Variants in NRXN3 observed in about 807,000 individuals in gnomAD.
NRXN3 encodes the protein neurexin 3.
A neutral mutation model predicts 137.6 loss-of-function variants in NRXN3; 32 were observed. The ratio of observed to expected loss-of-function variants is 0.23; its 90% CI spans 0.18 to 0.31. The LOEUF is 0.31. Ranked by LOEUF, NRXN3 falls within the 10% of genes least tolerant of loss-of-function variation. The pLI is 1.00. For synonymous variants in NRXN3, 798 were observed against 784.5 expected, an observed-to-expected ratio of 1.02 and a Z score of -0.29; for missense variants, 1,574 against 2,062.5, an observed-to-expected ratio of 0.76 and a Z score of 4.59.
intron 4 of NRXN3, among the ~76,000 whole-genome samples, chr14:78,322,882 G>A (rs886373280): frequency 5.9e-5 from 9 of 151,946 alleles, no homozygotes; most frequent in African/African-American, 2.2e-4. Context: ...TTAGAATGTC[G>A]TGCTGCTTTC....
At chr14:78,457,322 A>G (rs555868227) in intron 4 of NRXN3, among the ~76,000 whole-genome samples, 2 of 152,220 alleles carry the variant, frequency 1.3e-5, no homozygotes, top group East Asian at 1.9e-4. Flanking sequence ...ATGAGCCACC[A>G]CGCCCAGCCA....
chr14:79,784,236 C>T (rs1312193646), intron 19 of NRXN3, among the ~76,000 whole-genome samples: 1 of 152,216 alleles, frequency 6.6e-6, no homozygotes, highest in Non-Finnish European at 1.5e-5. Flanking sequence ...GACTTCAGTT[C>T]TAGGCCCTTA....
intron 15 of NRXN3, among the ~76,000 whole-genome samples, chr14:79,295,579 C>T (rs1347271609): frequency 6.6e-6 from 1 of 151,970 alleles, no homozygotes; most frequent in African/African-American, 2.4e-5. Flanking sequence ...GGCTGGACTC[C>T]CAGTACCTAA....
At position 78,333,311 on chromosome 14, in the gene NRXN3, C is replaced by T. The variant is rs2081057356; in HGVS notation, c.757+35451C>T. 3.9e-5 allele frequency among the ~76,000 whole-genome samples: 6 copies of T among 152,266 alleles called. No individual in the cohort carries two copies. In the South Asian group the frequency reaches 1.0e-3, roughly 26 times the overall value. ...AGGTCAGTACCTTGAGGGATTTGTG[C>T]TGTGACTTCCAAGTCCAAATTCAAC... On this transcript the variant is annotated intron_variant, in intron 4 of 20. Coordinates refer to ENST00000335750, the MANE Select transcript of NRXN3 (RefSeq NM_001330195.2).
At chr14:78,485,091 C>CA in intron 4 of NRXN3, among the ~76,000 whole-genome samples, 1 of 152,274 alleles carries the variant, frequency 6.6e-6, no homozygotes, top group East Asian at 1.9e-4. Context: ...CTCAAGGCTA[C>CA]AGTATTATAG....
intron 1 of NRXN3, among the ~76,000 whole-genome samples, chr14:78,176,916 G>A (rs2059324368): frequency 6.6e-6 from 1 of 152,032 alleles, no homozygotes; most frequent in South Asian, 2.1e-4. Context: ...TAGAGGTCAG[G>A]GTTTCATGGC....
chr14:79,453,837 C>T (rs530687916), intron 15 of NRXN3, among the ~76,000 whole-genome samples: 3 of 152,202 alleles, frequency 2.0e-5, no homozygotes, highest in African/African-American at 7.2e-5. Flanking sequence ...GGCTTTTATT[C>T]TTCATGTCTT....
chr14:79,663,282 A>G (rs936446407), intron 16 of NRXN3, among the ~76,000 whole-genome samples: 1 of 151,910 alleles, frequency 6.6e-6, no homozygotes, highest in African/African-American at 2.4e-5. Flanking sequence ...ATATACACAC[A>G]CACATATATC....
chr14:78,562,709 A>G (rs1279476046), intron 4 of NRXN3, among the ~76,000 whole-genome samples: 1 of 152,190 alleles, frequency 6.6e-6, no homozygotes. Context: ...TAAACCACTC[A>G]ATTGACCCCA....
intron 1 of NRXN3, among the ~76,000 whole-genome samples, chr14:78,173,510 T>C (rs537720960): frequency 6.6e-6 from 1 of 151,162 alleles, no homozygotes; most frequent in African/African-American, 2.4e-5. Context: ...CTTGTGTCTC[T>C]GTGTGTGTGT....
intron 15 of NRXN3, among the ~76,000 whole-genome samples, chr14:79,449,431 A>G (rs1247357928): frequency 2.0e-5 from 3 of 151,536 alleles, no homozygotes; most frequent in Non-Finnish European, 2.9e-5. Context: ...TAGGATCTGG[A>G]AAAAAAAATG....
At chr14:78,850,527 T>G (rs1184517893) in intron 10 of NRXN3, among the ~76,000 whole-genome samples, 1 of 152,306 alleles carries the variant, frequency 6.6e-6, no homozygotes, top group Non-Finnish European at 1.5e-5. Flanking sequence ...TCAGTCAAGC[T>G]TTACTTTTAA....
At chr14:78,180,059 G>A (rs1799114679) in intron 1 of NRXN3, among the ~76,000 whole-genome samples, 1 of 152,018 alleles carries the variant, frequency 6.6e-6, no homozygotes, top group African/African-American at 2.4e-5. Context: ...TGTTGGCCAG[G>A]TTGGTCTCGA....
At chr14:78,909,402 C>T (rs1269369231) in intron 10 of NRXN3, among the ~76,000 whole-genome samples, 1 of 152,146 alleles carries the variant, frequency 6.6e-6, no homozygotes. Flanking sequence ...ATAAGAATAG[C>T]ATCTGCTAAT....
intron 4 of NRXN3, among the ~76,000 whole-genome samples, chr14:78,616,445 A>G (rs2097348566): frequency 6.6e-6 from 1 of 152,132 alleles, no homozygotes; most frequent in Non-Finnish European, 1.5e-5. Flanking sequence ...CTTCATCTAA[A>G]TTAGCTCCTT....
intron 15 of NRXN3, among the ~76,000 whole-genome samples, chr14:79,453,944 C>T (rs1029856202): frequency 5.3e-5 from 8 of 152,118 alleles, no homozygotes; most frequent in African/African-American, 1.7e-4. Flanking sequence ...TCTAAATCCC[C>T]ATGGTCACAC....
At chr14:79,613,021 G>C (rs896475060) in intron 16 of NRXN3, among the ~76,000 whole-genome samples, 5 of 152,298 alleles carry the variant, frequency 3.3e-5, no homozygotes, top group African/African-American at 1.2e-4. Flanking sequence ...GTATGCAAAA[G>C]TGTTGAGTGG....
intron 4 of NRXN3, among the ~76,000 whole-genome samples, chr14:78,363,155 C>T (rs557744871): frequency 6.6e-6 from 1 of 152,072 alleles, no homozygotes; most frequent in African/African-American, 2.4e-5. Context: ...CAGCCTGGCC[C>T]GGTTTGTTGC....
chr14:78,239,723 G>A (rs541371365), intron 1 of NRXN3, among the ~76,000 whole-genome samples: 33 of 151,572 alleles, frequency 2.2e-4, no homozygotes, highest in African/African-American at 7.7e-4. Context: ...TTTTTTTTGA[G>A]ACAGAGTCTT....
Sources: gnomAD v4.1 joint callset for allele counts (sites outside exome capture counted in the v4.1 genomes callset) on GRCh38, gnomAD v4.1.1 for gene constraint, MANE v1.5 for transcripts, NCBI Gene and HGNC (gene_info 2026-07-23, HGNC 2026-07-21) for gene names.